Variants in HBS1L observed in about 807,000 individuals in gnomAD.
HBS1L encodes the protein HBS1 like translational GTPase, also known as HBS1-like protein.
Under a neutral mutation model 88.9 loss-of-function variants are expected in HBS1L, and 55 were observed. The observed-to-expected ratio is 0.62, with a 90% CI of 0.50 to 0.77. The LOEUF (loss-of-function observed/expected upper bound fraction) is 0.77, where lower values mean the gene tolerates loss of function less well. HBS1L is among the 30% of genes least tolerant of loss of function. HBS1L has a pLI of 0.00. For synonymous variants in HBS1L, 267 were observed against 288.5 expected (o/e 0.93, Z 0.76); for missense variants, 741 against 829.3 (o/e 0.89, Z 1.31).
At chr6:134,966,563 A>G in intron 16 of HBS1L, 90 bp from the exon 17 acceptor site, 1 of 822,506 alleles carries the variant, frequency 1.2e-6, no homozygotes, top group Non-Finnish European at 1.8e-6. Flanking sequence ...TTCACATTTA[A>G]CCAACATATC....
intron 8 of HBS1L, among the ~76,000 whole-genome samples, chr6:134,992,587 T>C (rs1775173367): frequency 6.6e-6 from 1 of 152,094 alleles, no homozygotes; most frequent in South Asian, 2.1e-4. Context: ...GTGTCTTTGT[T>C]TTTCACCAAA....
intron 4 of HBS1L, among the ~76,000 whole-genome samples, chr6:135,029,035 T>C (rs1776314662): frequency 6.6e-6 from 1 of 151,934 alleles, no homozygotes; most frequent in Non-Finnish European, 1.5e-5. Context: ...CTACAATAAA[T>C]CCATCTTTCC....
chr6:135,052,709 T>C (rs1450971866), intron 1 of HBS1L, among the ~76,000 whole-genome samples: 1 of 152,354 alleles, frequency 6.6e-6, no homozygotes, highest in African/African-American at 2.4e-5. Flanking sequence ...TCATAGTTTG[T>C]TTCCTCAATC....
At chr6:134,966,205 A>G (rs1774308334) in intron 17 of HBS1L, 124 bp downstream of exon 17, 1 of 783,568 alleles carries the variant, frequency 1.3e-6, no homozygotes, top group African/African-American at 1.8e-5. Context: ...TAAAATGAGT[A>G]AGGCTTCTCC....
rs551518209 is a variant in HBS1L at position 135,014,163 on chromosome 6, T to C, written c.431-11321A>G. ...AAAGAAAGGGTAGATGGTGATGCCA[T>C]GAACAAACAGGAAATACCTTCCAGG... is the stretch of plus-strand genomic sequence containing the variant. On this transcript the variant is annotated intron_variant, in intron 4 of 17. Coordinates refer to ENST00000367837, the MANE Select transcript of HBS1L (RefSeq NM_006620.4). Among the ~76,000 whole-genome samples, 16 of 152,180 alleles carry C rather than the reference T, an allele frequency of 1.1e-4. No individual in the cohort carries two copies. In the East Asian group the frequency reaches 3.1e-3, roughly 29 times the overall value.
At chr6:134,999,379 TA>T (rs1775380688) in intron 5 of HBS1L, among the ~76,000 whole-genome samples, 1 of 151,890 alleles carries the variant, frequency 6.6e-6, no homozygotes, top group African/African-American at 2.4e-5. Context: ...TGCAATTCAA[TA>T]ACATGAAAGG....
chr6:135,015,971 G>A (rs961048788), intron 4 of HBS1L, among the ~76,000 whole-genome samples: 14 of 145,122 alleles, frequency 9.6e-5, no homozygotes, highest in African/African-American at 2.1e-4. Context: ...TGCAACCTCC[G>A]CCTTCCTGGG....
rs764181012 is a variant in HBS1L at position 135,002,845 on chromosome 6, A to G, written c.431-3T>C. On this transcript the variant is annotated splice_polypyrimidine_tract_variant and splice_region_variant and intron_variant, in intron 4 of 17. Transcript: ENST00000367837. ...TGTCTGGGAATCTACTGGTTTTCCTAGTTAAGGAGTAAAATATAAAAGGCC... is the reference window on the plus strand; with the variant it reads ...TGTCTGGGAATCTACTGGTTTTCCTGGTTAAGGAGTAAAATATAAAAGGCC... The G allele has an allele frequency of 3.1e-6, 5 of 1,592,916 alleles. No homozygotes were observed. In the South Asian group the frequency reaches 4.4e-5, roughly 14 times the overall value.
chr6:134,974,002 T>C (rs980312219), intron 15 of HBS1L, among the ~76,000 whole-genome samples: 2 of 152,134 alleles, frequency 1.3e-5, no homozygotes, highest in East Asian at 3.9e-4. Context: ...CATTCTTCTA[T>C]TATTTCCTCT....
rs143248300 is a variant in HBS1L at position 134,975,121 on chromosome 6, G to T, written c.1797+3558C>A. Among the ~76,000 whole-genome samples, 1,205 of 152,230 alleles carry T rather than the reference G, an allele frequency of 7.9e-3. 40 individuals are homozygous for T. The highest frequency in any genetic ancestry group is 0.067 in the Admixed American group (1,022 of 15,282). ...GTAGCACCAACAACGATCAAGCTGA[G>T]AATCAAATCAAGAACAAGAACTTAA... On this transcript the variant is annotated intron_variant, in intron 15 of 17. Coordinates refer to ENST00000367837, the MANE Select transcript of HBS1L (RefSeq NM_006620.4).
At position 134,963,800 on chromosome 6, in the gene HBS1L, T is replaced by G. The variant is rs924753691; in HGVS notation, c.*1479A>C. 2.6e-5 allele frequency: 4 copies of G among 152,182 alleles called. No homozygotes were observed. The highest frequency in any genetic ancestry group is 9.7e-5 in the African/African-American group (4 of 41,446). 9.4% of individuals were successfully genotyped at this position (152,182 alleles called of 1,614,324 possible). A position where few individuals can be genotyped will look rare whatever the true frequency, so the allele number is the denominator to read the frequency against. Reference sequence around the variant, plus strand: ...GAGATGAGTCCTTGCTAACATTGTGTGAGCTGCTCGATCTAAATGGAATCA... The same window carrying G: ...GAGATGAGTCCTTGCTAACATTGTGGGAGCTGCTCGATCTAAATGGAATCA... On this transcript the variant is annotated 3_prime_UTR_variant, in exon 18 of 18. Coordinates refer to ENST00000367837, the MANE Select transcript of HBS1L (RefSeq NM_006620.4).
At chr6:134,987,495 CATTT>C in intron 9 of HBS1L, 146 bp downstream of exon 9, 2 of 495,200 alleles carry the variant, frequency 4.0e-6, no homozygotes, top group Non-Finnish European at 3.4e-6. Context: ...ACTAACACCT[CATTT>C]ATTTAAGATG....
At chr6:134,978,065 A>G (rs139152002) in intron 15 of HBS1L, among the ~76,000 whole-genome samples, 2 of 152,114 alleles carry the variant, frequency 1.3e-5, no homozygotes, top group African/African-American at 4.8e-5. Flanking sequence ...TTGCTTCAGC[A>G]CAACTGAATG....
intron 4 of HBS1L, among the ~76,000 whole-genome samples, chr6:135,006,426 A>G (rs1469306077): frequency 2.6e-5 from 4 of 152,154 alleles, no homozygotes; most frequent in Admixed American, 2.6e-4. Context: ...GGAGAAGAAA[A>G]GAGTAAGCCA....
rs1196828914 is a variant in HBS1L at position 134,962,042 on chromosome 6, G to A, written c.*3237C>T. On this transcript the variant is annotated 3_prime_UTR_variant, in exon 18 of 18. Transcript: ENST00000367837. ...CTCAAGCCCCAGAGCTTTCTCTTGT[G>A]CCTGGAATATGGCAGGATCATAATT... is the stretch of plus-strand genomic sequence containing the variant. 2.0e-5 allele frequency: 3 copies of A among 152,048 alleles called. No homozygotes were observed. The highest frequency in any genetic ancestry group is 4.4e-5 in the Non-Finnish European group (3 of 68,024). The allele number at this position is 152,048 out of a possible 1,614,324, so 9.4% of individuals were successfully genotyped here. A position where few individuals can be genotyped will look rare whatever the true frequency, so the allele number is the denominator to read the frequency against.
chr6:135,049,787 G>A (rs937838573), intron 2 of HBS1L, among the ~76,000 whole-genome samples: 8 of 152,190 alleles, frequency 5.3e-5, no homozygotes, highest in Non-Finnish European at 1.2e-4. Context: ...GGCCAGGCTG[G>A]TCTCGAACTC....
At chr6:135,049,473 C>T (rs1777012627) in intron 2 of HBS1L, among the ~76,000 whole-genome samples, 1 of 152,172 alleles carries the variant, frequency 6.6e-6, no homozygotes, top group African/African-American at 2.4e-5. Context: ...TATATCAAAC[C>T]TTTAAACTTG....
intron 8 of HBS1L, among the ~76,000 whole-genome samples, chr6:134,988,102 G>A (rs1024755799): frequency 2.6e-5 from 4 of 152,056 alleles, no homozygotes; most frequent in African/African-American, 9.7e-5. Flanking sequence ...AGTGGCTCAC[G>A]CCTATAATCC....
At position 134,969,230 on chromosome 6, in the gene HBS1L, AC is replaced by A. The variant is rs1199814213; in HGVS notation, c.1898+7del. ...GCTTGTTTATCATTTCTGTATTAAA[AC>A]ACTCACTTAGGCTTTTTCTTTGTGA... is the stretch of plus-strand genomic sequence containing the variant. On this transcript the variant is annotated splice_region_variant and intron_variant, in intron 16 of 17. Transcript: ENST00000367837. 6.4e-7 allele frequency: 1 copy of A among 1,571,990 alleles called. No homozygotes were observed. Among genetic ancestry groups the A allele is most frequent in the Admixed American group, 1.7e-5 (1 of 59,944 alleles).
Sources: allele counts gnomAD v4.1 joint callset (sites outside exome capture counted in the v4.1 genomes callset), GRCh38; gene constraint gnomAD v4.1.1; transcripts MANE v1.5; gene names NCBI Gene and HGNC (gene_info 2026-07-23, HGNC 2026-07-21).